CDH13: variants seen among roughly 807,000 people sequenced by gnomAD.
CDH13 encodes cadherin 13.
Under a neutral mutation model 63.8 loss-of-function variants are expected in CDH13, and 24 were observed. The observed-to-expected ratio is 0.38, with a 90% CI of 0.27 to 0.53. CDH13 has a LOEUF of 0.53. Ranked by LOEUF, CDH13 falls within the 20% of genes least tolerant of loss-of-function variation. The pLI, the probability that CDH13 is intolerant of heterozygous loss-of-function variation, is 0.85. For missense variants in CDH13, 1,049 were observed against 903.1 expected, an observed-to-expected ratio of 1.16 and a Z score of -2.07; for synonymous variants, 503 against 355.3, an observed-to-expected ratio of 1.42 and a Z score of -4.67.
At chr16:83,784,554 C>G (rs1004141778) in intron 13 of CDH13, among the ~76,000 whole-genome samples, 1 of 151,426 alleles carries the variant, frequency 6.6e-6, no homozygotes, top group Non-Finnish European at 1.5e-5. Context: ...ATCACTTGAA[C>G]CCGGGAGGCG....
intron 1 of CDH13, among the ~76,000 whole-genome samples, chr16:82,787,185 G>C (rs185652746): frequency 6.6e-6 from 1 of 152,240 alleles, no homozygotes; most frequent in Admixed American, 6.5e-5. Context: ...AGTATCTGTA[G>C]GTGGAATTCT....
At chr16:82,879,427 A>G (rs1196351700) in intron 2 of CDH13, among the ~76,000 whole-genome samples, 2 of 148,526 alleles carry the variant, frequency 1.3e-5, no homozygotes, top group African/African-American at 4.9e-5. Context: ...CATACTGTTT[A>G]TATATATATT....
intron 2 of CDH13, among the ~76,000 whole-genome samples, chr16:82,862,298 G>T (rs543413454): frequency 6.6e-6 from 1 of 152,202 alleles, no homozygotes; most frequent in Non-Finnish European, 1.5e-5. Flanking sequence ...CAACTGACCA[G>T]CCACCCAGCT....
chr16:82,847,260 G>A (rs74403677), intron 1 of CDH13, among the ~76,000 whole-genome samples: 8,919 of 152,210 alleles, frequency 0.059, 291 homozygotes, highest in Middle Eastern at 0.092. Context: ...AATTTAAAAC[G>A]AACATAGTAT....
Position 83,355,904 on chromosome 16 carries a change from G to C in CDH13, c.781+10898G>C, listed in dbSNP as rs116683422. Among the ~76,000 whole-genome samples, 749 of 152,252 alleles carry C rather than the reference G, an allele frequency of 4.9e-3. 5 individuals are homozygous for C. The highest frequency in any genetic ancestry group is 0.017 in the African/African-American group (711 of 41,540). ...ATTTTTCTAGCACTATTATGTACTG[G>C]ATACTGGTCCAGGTTCCACACCTAC... On this transcript the variant is annotated intron_variant, in intron 6 of 13. Transcript: ENST00000567109.
At chr16:82,906,711 G>T (rs2041657326) in intron 2 of CDH13, among the ~76,000 whole-genome samples, 1 of 152,140 alleles carries the variant, frequency 6.6e-6, no homozygotes, top group Non-Finnish European at 1.5e-5. Context: ...CCATATTCAT[G>T]GTTTCGGCAG....
chr16:82,773,638 G>A (rs2035360170), intron 1 of CDH13: 2 of 152,154 alleles, frequency 1.3e-5, no homozygotes, highest in Non-Finnish European at 2.9e-5. Flanking sequence ...TTTCCTCTAT[G>A]TATGTACATT....
intron 1 of CDH13, among the ~76,000 whole-genome samples, chr16:82,791,485 C>T (rs988551458): frequency 6.6e-6 from 1 of 152,172 alleles, no homozygotes; most frequent in Non-Finnish European, 1.5e-5. Flanking sequence ...TGGTAACCCC[C>T]TTTGGGTCCC....
chr16:83,463,888 A>G (rs747164455), intron 6 of CDH13, among the ~76,000 whole-genome samples: 2 of 152,170 alleles, frequency 1.3e-5, no homozygotes, highest in African/African-American at 2.4e-5. Flanking sequence ...CGTAAATCCA[A>G]CAGGGGAAGA....
At chr16:82,642,563 A>C (rs1350824643) in intron 1 of CDH13, among the ~76,000 whole-genome samples, 1 of 152,198 alleles carries the variant, frequency 6.6e-6, no homozygotes, top group Non-Finnish European at 1.5e-5. Flanking sequence ...GACTATATTC[A>C]TTTAAGCCAC....
At position 82,765,607 on chromosome 16, in the gene CDH13, A is replaced by G. The variant is rs146859243; in HGVS notation, c.46-92755A>G. Among the ~76,000 whole-genome samples the G allele has an allele frequency of 5.9e-5, 9 of 152,314 alleles. No homozygotes were observed. In the East Asian group the frequency reaches 1.5e-3, roughly 26 times the overall value. ...TGATGAGAAAATCATGTGGCATAAA[A>G]GAGAATAATTGCCTTCATAAGTGTA... On this transcript the variant is annotated intron_variant, in intron 1 of 13. Coordinates refer to ENST00000567109, the MANE Select transcript of CDH13 (RefSeq NM_001257.5).
intron 6 of CDH13, among the ~76,000 whole-genome samples, chr16:83,360,959 G>A (rs909394282): frequency 6.6e-6 from 1 of 152,104 alleles, no homozygotes; most frequent in African/African-American, 2.4e-5. Context: ...TTTTATTTTG[G>A]ATATATACCC....
chr16:83,389,931 G>A (rs950499521), intron 6 of CDH13, among the ~76,000 whole-genome samples: 30 of 152,204 alleles, frequency 2.0e-4, no homozygotes, highest in African/African-American at 5.8e-4. Flanking sequence ...TCTCTCCAAC[G>A]CTTTAACTAA....
At chr16:82,664,817 T>G (rs1272745007) in intron 1 of CDH13, among the ~76,000 whole-genome samples, 1 of 152,248 alleles carries the variant, frequency 6.6e-6, no homozygotes, top group Non-Finnish European at 1.5e-5. Flanking sequence ...AACTTGTATT[T>G]TTGAATATAT....
intron 7 of CDH13, among the ~76,000 whole-genome samples, chr16:83,576,836 G>A (rs1317607408): frequency 6.6e-6 from 1 of 152,050 alleles, no homozygotes; most frequent in Admixed American, 6.6e-5. Context: ...CAAGTATTTT[G>A]CCTACATTTT....
chr16:82,866,609 C>T (rs949565831), intron 2 of CDH13, among the ~76,000 whole-genome samples: 5 of 151,710 alleles, frequency 3.3e-5, no homozygotes, highest in Admixed American at 1.3e-4. Flanking sequence ...AGACTGGTCT[C>T]GTATTAGTCT....
At chr16:82,856,178 C>A (rs1289061034) in intron 1 of CDH13, among the ~76,000 whole-genome samples, 1 of 151,528 alleles carries the variant, frequency 6.6e-6, no homozygotes, top group Non-Finnish European at 1.5e-5. Flanking sequence ...AGATCGAGAC[C>A]ATCCTGGCGA....
At chr16:83,253,648 G>T (rs1334182111) in intron 5 of CDH13, among the ~76,000 whole-genome samples, 2 of 152,218 alleles carry the variant, frequency 1.3e-5, no homozygotes, top group Non-Finnish European at 2.9e-5. Flanking sequence ...GGGGTTGACA[G>T]AGCAGGCTAC....
rs573117002 is a variant in CDH13, at chr16:83,736,511, C to T, written c.1539-11597C>T. 7.9e-5 allele frequency among the ~76,000 whole-genome samples: 12 copies of T among 152,264 alleles called. No individual in the cohort carries two copies. The East Asian group carries it at 1.2e-3, about 15-fold the overall frequency. On this transcript the variant is annotated intron_variant, in intron 10 of 13. Coordinates refer to ENST00000567109, the MANE Select transcript of CDH13 (RefSeq NM_001257.5). The stretch of plus-strand genomic sequence containing the variant: ...CAGTCAATTTGGTCAAAAGCAACAA[C>T]GAAATGACCCTTACGAAGTGTCAAA...
Sources: allele counts gnomAD v4.1 joint callset (sites outside exome capture counted in the v4.1 genomes callset), GRCh38; gene constraint gnomAD v4.1.1; transcripts MANE v1.5; gene names NCBI Gene and HGNC (gene_info 2026-07-23, HGNC 2026-07-21).